The following SELE variants were observed in gnomAD, a reference collection of about 807,000 sequenced individuals.
SELE encodes the protein E-selectin.
SELE carries 52 observed loss-of-function variants against 75.8 expected under a neutral mutation model. The observed-to-expected ratio is 0.69, with a 90% CI of 0.55 to 0.86. SELE has a LOEUF of 0.86. Among genes scored for constraint, SELE ranks in the 40% least tolerant of loss-of-function variants. The pLI is 0.00. For missense variants in SELE, 754 were observed against 732.7 expected, an observed-to-expected ratio of 1.03 and a Z score of -0.34; for synonymous variants, 285 against 258.7, an observed-to-expected ratio of 1.10 and a Z score of -0.98.
chr1:169,725,831 G>T (rs1444831509), intron 12 of SELE, 30 bp from the exon 13 acceptor site: 1 of 1,613,734 alleles, frequency 6.2e-7, no homozygotes, highest in East Asian at 2.2e-5. Context: ...ACTAGGTAAA[G>T]CACTGTCTTC....
chr1:169,729,339 C>G lies in SELE; in HGVS notation c.937G>C (p.Gly313Arg). ...GGGGAATGGCTGCACCTCACAGAGC[C>G]ATTCTGAGGCTGGCGGACGGCCCTG... ...TCRAVRQPQN[G>R]SVRCSHSPAG... The change falls in exon 7 of 14, where the codon GGC (glycine) becomes CGC (arginine). Residue 313 changes from glycine to arginine, a missense_variant. Gly to Arg is a moderately radical substitution (Grantham distance 125). Coordinates refer to ENST00000333360, the MANE Select transcript of SELE (RefSeq NM_000450.2). The G allele has an allele frequency of 6.2e-7, 1 of 1,614,034 alleles. No individual in the cohort carries two copies. Among genetic ancestry groups the G allele is most frequent in the Middle Eastern group, 1.7e-4 (1 of 6,060 alleles).
intron 13 of SELE, among the ~76,000 whole-genome samples, chr1:169,724,793 T>C (rs1205483143): frequency 3.9e-5 from 6 of 152,216 alleles, no homozygotes; most frequent in African/African-American, 1.4e-4. Context: ...TATAAGATGT[T>C]AATAACAGGG....
At position 169,723,488 on chromosome 1, in the gene SELE, T is replaced by G. The variant is rs1365734963; in HGVS notation, c.*1037A>C. On this transcript the variant is annotated 3_prime_UTR_variant, in exon 14 of 14. Coordinates refer to ENST00000333360, the MANE Select transcript of SELE (RefSeq NM_000450.2). ...ACCTTTGTGTGTTTGCATTTATGCT[T>G]TTATTAGTTCAAAACGTTTGGCCTC... is the stretch of plus-strand genomic sequence containing the variant. 6.6e-6 allele frequency: 1 copy of G among 152,244 alleles called. No homozygotes were observed. Among genetic ancestry groups the G allele is most frequent in the African/African-American group, 2.4e-5 (1 of 41,478 alleles). The allele number at this position is 152,244 out of a possible 1,614,324, so 9.4% of individuals were successfully genotyped here.
At chr1:169,726,590 A>T (rs972551095) in intron 11 of SELE, 109 bp downstream of exon 11, 1 of 795,620 alleles carries the variant, frequency 1.3e-6, no homozygotes, top group Admixed American at 2.2e-5. Flanking sequence ...ACTGCATTTT[A>T]TCCAGATTCT....
At chr1:169,727,321 A>G (rs1354216838) in intron 10 of SELE, 28 bp downstream of exon 10, 2 of 1,588,388 alleles carry the variant, frequency 1.3e-6, no homozygotes, top group Non-Finnish European at 1.7e-6. Context: ...TTTAATCACC[A>G]GACAACCACC....
rs1232416793 is a variant in SELE, at chr1:169,731,865, G to A, written c.499C>T (p.Pro167Ser). ...TINNYTCKCD[P>S]GFSGLKCEQI... Reference sequence around the variant, plus strand: ...TCACACTTGAGTCCACTGAAGCCAGGGTCACACTTGCAAGTGTAATTATTG... The same window carrying A: ...TCACACTTGAGTCCACTGAAGCCAGAGTCACACTTGCAAGTGTAATTATTG... Residue 167 changes from proline (P) to serine (S), a missense_variant, in exon 4 of 14, where the codon CCT becomes TCT. By Grantham distance (74) the Pro-to-Ser change is moderately conservative. Coordinates refer to ENST00000333360, the MANE Select transcript of SELE (RefSeq NM_000450.2). The A allele has an allele frequency of 6.2e-7, 1 of 1,613,308 alleles. No individual in the cohort carries two copies. Among genetic ancestry groups the A allele is most frequent in the East Asian group, 2.2e-5 (1 of 44,856 alleles).
At chr1:169,731,798 C>T (rs1358849047) in intron 4 of SELE, 37 bp downstream of exon 4, 2 of 1,403,874 alleles carry the variant, frequency 1.4e-6, no homozygotes, top group South Asian at 1.2e-5. Flanking sequence ...ATGGTGCTAC[C>T]ATCTCAAGTG....
At position 169,727,939 on chromosome 1, in the gene SELE, GAGA is replaced by G; in HGVS notation, c.1280-15_1280-13del. On this transcript the variant is annotated splice_polypyrimidine_tract_variant and intron_variant, in intron 8 of 13. Transcript: ENST00000333360. ...ATCGCATCTCACAGCTGGAACACAC[GAGA>G]GAGCACTTTAGAAGTTTGTTTGCAT... The G allele has an allele frequency of 6.2e-7, 1 of 1,609,142 alleles. No individual in the cohort carries two copies.
Position 169,729,295 on chromosome 1 carries a change from G to A in SELE, c.981C>T (p.Phe327=), listed in dbSNP as rs1386945833. 1 of 1,614,146 alleles carries A rather than the reference G, an allele frequency of 6.2e-7. No homozygotes were observed. The highest frequency in any genetic ancestry group is 1.7e-5 in the Admixed American group (1 of 60,030). ...CSHSPAGEFT[F]KSSCNFTCEE... is the part of the protein sequence containing the mutation. Reference sequence around the variant, plus strand: ...CACAGGTGAAGTTGCAGGATGATTTGAAGGTGAACTCTCCAGCAGGGGAAT... The same window carrying A: ...CACAGGTGAAGTTGCAGGATGATTTAAAGGTGAACTCTCCAGCAGGGGAAT... The change falls in exon 7 of 14, where the codon TTC becomes TTT. Residue 327 remains phenylalanine (F), a synonymous_variant. Coordinates refer to ENST00000333360, the MANE Select transcript of SELE (RefSeq NM_000450.2).
intron 6 of SELE, 43 bp from the exon 7 acceptor site, chr1:169,729,417 A>G (rs977500303): frequency 2.5e-6 from 4 of 1,609,034 alleles, no homozygotes; most frequent in Non-Finnish European, 3.4e-6. Flanking sequence ...GCCTAGAATT[A>G]GCTTGCCCAT....
chr1:169,732,801 T>G lies in SELE; in HGVS notation c.235A>C (p.Asn79His), dbSNP rs373247643. 1.1e-5 allele frequency: 17 copies of G among 1,614,154 alleles called. No homozygotes were observed. In the African/African-American group the frequency reaches 1.5e-4, roughly 14 times the overall value. Residue 79 changes from asparagine to histidine, a missense_variant, in exon 3 of 14, where the codon AAT becomes CAT. By Grantham distance (68) the Asn-to-His change is moderately conservative. Transcript: ENST00000333360. ...YYWIGIRKVN[N>H]VWVWVGTQKP... ...TGGGTTCCTACCCAGACCCACACAT[T>G]GTTGACTTTTCTGATTCCAATCCAG...
rs200033032 is a variant in SELE, at chr1:169,733,567, C to T, written c.37+9G>A. The T allele has an allele frequency of 3.2e-5, 52 of 1,613,412 alleles. No individual in the cohort carries two copies. In the East Asian group the frequency reaches 3.3e-4, roughly 10 times the overall value. On this transcript the variant is annotated intron_variant, in intron 2 of 13. Coordinates refer to ENST00000333360, the MANE Select transcript of SELE (RefSeq NM_000450.2). ...AATGAGAAATCTTGGTCTAATGGCA[C>T]TGACTTACCCAAAGTGAGAGCTGAG...
rs772207408 is a variant in SELE, at chr1:169,723,831, TGAA to T, written c.*691_*693del. On this transcript the variant is annotated 3_prime_UTR_variant, in exon 14 of 14. Transcript: ENST00000333360. ...AAGTCCCTACCACACTTGTATTGAA[TGAA>T]GAAGTATGGAAGATTATAATATATT... 23 of 152,232 alleles carry T rather than the reference TGAA, an allele frequency of 1.5e-4. No individual in the cohort carries two copies. The highest frequency in any genetic ancestry group is 2.4e-4 in the Non-Finnish European group (16 of 68,038). 9.4% of individuals were successfully genotyped at this position (152,232 alleles called of 1,614,324 possible).
At chr1:169,732,337 G>A (rs1648931027) in intron 3 of SELE, among the ~76,000 whole-genome samples, 2 of 145,512 alleles carry the variant, frequency 1.4e-5, no homozygotes, top group African/African-American at 5.1e-5. Flanking sequence ...ATGTGTGTAT[G>A]TATATATATA....
chr1:169,729,108 T>C (rs1054205013), intron 7 of SELE, 78 bp downstream of exon 7: 5 of 1,311,620 alleles, frequency 3.8e-6, no homozygotes, highest in Non-Finnish European at 5.2e-6. Context: ...AAAGTGGGTA[T>C]TGGTTTTTTT....
At position 169,727,439 on chromosome 1, in the gene SELE, C is replaced by T. The variant is rs144621590; in HGVS notation, c.1555G>A (p.Ala519Thr). ...TTGAGCGTCCATCCTTCAGGACAGGCGAACTTGCACACAGTGCCAAACACG... is the reference window on the plus strand; with the variant it reads ...TTGAGCGTCCATCCTTCAGGACAGGTGAACTTGCACACAGTGCCAAACACG... ...EPVFGTVCKFACPEGWTLNGS... is the reference protein window; with the variant it reads ...EPVFGTVCKFTCPEGWTLNGS... The change falls in exon 10 of 14, where the codon GCC becomes ACC. Residue 519 changes from alanine (A) to threonine (T), a missense_variant. Physicochemically the swap from Ala to Thr is moderately conservative, Grantham distance 58. Coordinates refer to ENST00000333360, the MANE Select transcript of SELE (RefSeq NM_000450.2). 60 of 1,614,132 alleles carry T rather than the reference C, an allele frequency of 3.7e-5. No individual in the cohort carries two copies. The South Asian group carries it at 4.6e-4, about 12-fold the overall frequency.
rs372754267 is a variant in SELE, at chr1:169,732,936, C to A, written c.100G>T (p.Asp34Tyr). ...TGCTGACAATAAGCACTGGCCTCAT[C>A]ATAAGTCATAGCTTCCGTGGAGGTG... The part of the protein sequence containing the change: ...YNTSTEAMTY[D>Y]EASAYCQQRY... The change falls in exon 3 of 14, where the codon GAT becomes TAT. Residue 34 changes from aspartate (D) to tyrosine (Y), a missense_variant. Coordinates refer to ENST00000333360, the MANE Select transcript of SELE (RefSeq NM_000450.2). 6.2e-7 allele frequency: 1 copy of A among 1,613,420 alleles called. No individual in the cohort carries two copies.
At chr1:169,731,097 ATC>A (rs994592350) in intron 4 of SELE, among the ~76,000 whole-genome samples, 1 of 129,040 alleles carries the variant, frequency 7.7e-6, no homozygotes, top group Non-Finnish European at 1.8e-5. Context: ...AGTAGCCACT[ATC>A]TGTGTGGCTA....
intron 3 of SELE, among the ~76,000 whole-genome samples, chr1:169,732,412 A>ATG (rs3917409): frequency 2.0e-5 from 3 of 150,698 alleles, no homozygotes; most frequent in East Asian, 3.9e-4. Flanking sequence ...GTGTGTATAT[A>ATG]TGTGTGTGTG....
Sources: gnomAD v4.1 joint callset for allele counts (sites outside exome capture counted in the v4.1 genomes callset) on GRCh38, gnomAD v4.1.1 for gene constraint, MANE v1.5 for transcripts, NCBI Gene and HGNC (gene_info 2026-07-23, HGNC 2026-07-21) for gene names.